Variants in FBXO16 observed in about 807,000 individuals in gnomAD.
FBXO16 encodes the protein F-box protein 16.
FBXO16 carries 31 observed loss-of-function variants against 41.0 expected under a neutral mutation model. The ratio of observed to expected loss-of-function variants is 0.76; its 90% CI spans 0.57 to 1.02. The LOEUF is 1.02. Ranked by LOEUF, FBXO16 falls within the 50% of genes least tolerant of loss-of-function variation. The pLI is 0.00. For missense variants in FBXO16, 361 were observed against 346.2 expected (o/e 1.04, Z -0.34); for synonymous variants, 133 against 117.8 (o/e 1.13, Z -0.84).
chr8:28,451,909 G>C (rs1386861039), intron 6 of FBXO16, among the ~76,000 whole-genome samples: 4 of 151,566 alleles, frequency 2.6e-5, no homozygotes, highest in Admixed American at 6.6e-5. Flanking sequence ...GCTTGAACCC[G>C]GGAGGTGGAG....
At position 28,464,527 on chromosome 8, in the gene FBXO16, C is replaced by A. The variant is rs546607064; in HGVS notation, c.136-709G>T. 2.0e-5 allele frequency among the ~76,000 whole-genome samples: 3 copies of A among 152,332 alleles called. No individual in the cohort carries two copies. In the South Asian group the frequency reaches 6.2e-4, roughly 32 times the overall value. ...GGAACAACACTACCAGCTTAGTGAGCTACTTCACTGGAAGTCTTAATCTCT... is the reference window on the plus strand; with the variant it reads ...GGAACAACACTACCAGCTTAGTGAGATACTTCACTGGAAGTCTTAATCTCT... On this transcript the variant is annotated intron_variant, in intron 3 of 8. Coordinates refer to ENST00000380254, the MANE Select transcript of FBXO16 (RefSeq NM_172366.4).
At chr8:28,461,083 C>CTT (rs60769796) in intron 4 of FBXO16, among the ~76,000 whole-genome samples, 5,568 of 136,384 alleles carry the variant, frequency 0.041, 134 homozygotes, top group African/African-American at 0.067. Context: ...TATACCTCTG[C>CTT]TTTTTTTTTT....
At chr8:28,466,416 G>C (rs1024379543) in intron 3 of FBXO16, among the ~76,000 whole-genome samples, 8 of 151,980 alleles carry the variant, frequency 5.3e-5, no homozygotes, top group Non-Finnish European at 1.2e-4. Flanking sequence ...AAGACTACAG[G>C]AATAAAACTG....
intron 7 of FBXO16, among the ~76,000 whole-genome samples, chr8:28,446,466 C>T (rs1802865964): frequency 6.6e-6 from 1 of 151,566 alleles, no homozygotes; most frequent in Non-Finnish European, 1.5e-5. Context: ...AGCCACCATG[C>T]CTGGCCTAAA....
intron 7 of FBXO16, among the ~76,000 whole-genome samples, chr8:28,441,910 ATGTGTGTGTG>A (rs1175392833): frequency 3.1e-4 from 33 of 107,896 alleles, no homozygotes; most frequent in Non-Finnish European, 4.5e-4. Flanking sequence ...GTATATATAT[ATGTGTGTGTG>A]TGTGTGTGTG....
Position 28,482,078 on chromosome 8 carries a change from G to A in FBXO16, c.99+1270C>T, listed in dbSNP as rs117196308. On this transcript the variant is annotated intron_variant, in intron 2 of 8. Transcript: ENST00000380254. ...GACGGGGAGGACCAGCAGAACCCAC[G>A]CAAACATAACGTTCATGCCACTCGC... Among the ~76,000 whole-genome samples, 1,396 of 152,278 alleles carry A rather than the reference G, an allele frequency of 9.2e-3. 14 individuals carry two copies. The highest frequency in any genetic ancestry group is 0.018 in the Admixed American group (268 of 15,286).
intron 5 of FBXO16, 137 bp from the exon 6 acceptor site, chr8:28,452,613 C>T: frequency 2.8e-6 from 2 of 726,058 alleles, no homozygotes; most frequent in South Asian, 3.7e-5. Context: ...CCAGCCTGGC[C>T]AACATGGTGA....
chr8:28,458,005 T>G (rs1803063827), intron 4 of FBXO16, among the ~76,000 whole-genome samples: 1 of 152,206 alleles, frequency 6.6e-6, no homozygotes, highest in South Asian at 2.1e-4. Context: ...CATATAAAGC[T>G]GAAACTAAGG....
intron 7 of FBXO16, among the ~76,000 whole-genome samples, chr8:28,434,530 T>A (rs1292442521): frequency 1.3e-5 from 2 of 152,238 alleles, no homozygotes; most frequent in Non-Finnish European, 2.9e-5. Context: ...ATTTATTAAT[T>A]CATTTCTTCT....
chr8:28,483,469 T>C lies in FBXO16; in HGVS notation c.-16-7A>G, dbSNP rs1426496379. The C allele has an allele frequency of 6.3e-7, 1 of 1,589,648 alleles. No homozygotes were observed. The highest frequency in any genetic ancestry group is 1.3e-5 in the African/African-American group (1 of 74,246). ...CATGAAACAACTGGATATCCTTCCATAAGAAAAACAACACCTATCAGAAGA... is the reference window on the plus strand; with the variant it reads ...CATGAAACAACTGGATATCCTTCCACAAGAAAAACAACACCTATCAGAAGA... On this transcript the variant is annotated splice_region_variant and splice_polypyrimidine_tract_variant and intron_variant, in intron 1 of 8. Coordinates refer to ENST00000380254, the MANE Select transcript of FBXO16 (RefSeq NM_172366.4).
chr8:28,451,269 G>T (rs1054013821), intron 6 of FBXO16, among the ~76,000 whole-genome samples: 1 of 152,108 alleles, frequency 6.6e-6, no homozygotes, highest in Non-Finnish European at 1.5e-5. Context: ...GCTCCTGACA[G>T]GATGTTTTTA....
intron 4 of FBXO16, 130 bp from the exon 5 acceptor site, chr8:28,457,060 T>A: frequency 1.1e-6 from 1 of 891,846 alleles, no homozygotes; most frequent in Non-Finnish European, 1.6e-6. Flanking sequence ...CTCCAAACCA[T>A]AGCTTAAATG....
At chr8:28,445,547 AC>A (rs1802850479) in intron 7 of FBXO16, among the ~76,000 whole-genome samples, 1 of 152,190 alleles carries the variant, frequency 6.6e-6, no homozygotes, top group East Asian at 1.9e-4. Context: ...CAGAAGCACG[AC>A]ATAATGGCCC....
rs149357662 is a variant in FBXO16, at chr8:28,466,775, G to A, written c.136-2957C>T. Among the ~76,000 whole-genome samples the A allele has an allele frequency of 5.4e-3, 828 of 152,264 alleles. 5 individuals are homozygous for A. Among genetic ancestry groups the A allele is most frequent in the Non-Finnish European group, 8.5e-3 (576 of 68,024 alleles). The stretch of plus-strand genomic sequence containing the variant: ...AGAACAGTTGGAAAGTTGGCTTGAC[G>A]GGAGTTGTGGGCCTCACAGAGGCAA... On this transcript the variant is annotated intron_variant, in intron 3 of 8. Transcript: ENST00000380254.
At chr8:28,435,821 G>A (rs1478613910) in intron 7 of FBXO16, among the ~76,000 whole-genome samples, 2 of 152,146 alleles carry the variant, frequency 1.3e-5, no homozygotes, top group Non-Finnish European at 2.9e-5. Context: ...TTGTAGCGTG[G>A]CTTTCAGGCT....
chr8:28,471,723 C>T (rs1585915571), intron 3 of FBXO16, among the ~76,000 whole-genome samples: 1 of 134,166 alleles, frequency 7.5e-6, no homozygotes, highest in South Asian at 2.4e-4. Context: ...TGGTAAGCAT[C>T]AAGGAATGTA....
intron 7 of FBXO16, among the ~76,000 whole-genome samples, chr8:28,446,310 C>T (rs931084634): frequency 1.3e-5 from 2 of 150,924 alleles, no homozygotes; most frequent in Admixed American, 1.3e-4. Context: ...CCCGCACCCG[C>T]CATAGGCATG....
In FBXO16 at chr8:28,483,437, A is replaced by G; in HGVS notation, c.10T>C (p.Phe4Leu). The stretch of plus-strand genomic sequence containing the variant: ...CCATCTGTGTTTTTTGGAGGTGCAA[A>G]TGCCATCATGAAACAACTGGATATC... MMA[F>L]APPKNTDGPK... The change falls in exon 2 of 9, where the codon TTT (phenylalanine) becomes CTT (leucine). Residue 4 changes from phenylalanine (F) to leucine (L), a missense_variant. Transcript: ENST00000380254. 4.3e-6 allele frequency: 7 copies of G among 1,613,856 alleles called. No homozygotes were observed. The highest frequency in any genetic ancestry group is 5.9e-6 in the Non-Finnish European group (7 of 1,179,886).
intron 7 of FBXO16, among the ~76,000 whole-genome samples, chr8:28,434,974 A>G (rs1802666125): frequency 6.6e-6 from 1 of 152,230 alleles, no homozygotes; most frequent in Non-Finnish European, 1.5e-5. Flanking sequence ...TCCGTTGTCC[A>G]TAGCCCAATG....
Sources: gnomAD v4.1 joint callset for allele counts (sites outside exome capture counted in the v4.1 genomes callset) on GRCh38, gnomAD v4.1.1 for gene constraint, MANE v1.5 for transcripts, NCBI Gene and HGNC (gene_info 2026-07-23, HGNC 2026-07-21) for gene names.